The following LHFPL7 variants were observed in gnomAD, a reference collection of about 807,000 sequenced individuals.
LHFPL7 encodes LHFPL tetraspan subfamily member 7.
At chr22:24,936,487 C>T in the LHFPL7 span, among the ~76,000 whole-genome samples, 2 of 152,218 alleles carry the variant, frequency 1.3e-5, no homozygotes, top group Non-Finnish European at 2.9e-5. Context: ...CCCATGCAGT[C>T]ACGTGTTCAT....
At chr22:24,944,636 C>T in the LHFPL7 span, among the ~76,000 whole-genome samples, 1 of 152,196 alleles carries the variant, frequency 6.6e-6, no homozygotes, top group Non-Finnish European at 1.5e-5. Context: ...TCACTGCAGT[C>T]TCAACCTCCT....
the LHFPL7 span, among the ~76,000 whole-genome samples, chr22:24,941,535 C>T: frequency 5.3e-5 from 8 of 149,610 alleles, no homozygotes; most frequent in African/African-American, 1.5e-4. Flanking sequence ...TGGGTGGACA[C>T]AAATATTCAG....
the LHFPL7 span, among the ~76,000 whole-genome samples, chr22:24,940,704 CCTCCTTCCCTTTCT>C: frequency 3.1e-5 from 1 of 32,584 alleles, no homozygotes; most frequent in Non-Finnish European, 5.0e-5. Flanking sequence ...TCCCTCCTTC[CCTCCTTCCCTTTCT>C]TTCCTTCCTT....
the LHFPL7 span, among the ~76,000 whole-genome samples, chr22:24,939,924 C>CCTTT: frequency 1.1e-5 from 1 of 86,980 alleles, no homozygotes; most frequent in African/African-American, 4.3e-5. Flanking sequence ...TCATTTATCG[C>CCTTT]TTTTTTTTTT....
the LHFPL7 span, among the ~76,000 whole-genome samples, chr22:24,940,007 A>G: frequency 7.1e-6 from 1 of 141,772 alleles, no homozygotes; most frequent in Non-Finnish European, 1.5e-5. Flanking sequence ...GGCTCACTGC[A>G]AGCTCCGCCT....
the LHFPL7 span, chr22:24,935,214 G>A: frequency 2.9e-5 from 39 of 1,352,672 alleles, no homozygotes; most frequent in Non-Finnish European, 3.4e-5. Context: ...TTCCAGAGAG[G>A]TAAAGTGGCT....
At chr22:24,938,274 A>G in the LHFPL7 span, 2 of 1,613,896 alleles carry the variant, frequency 1.2e-6, no homozygotes, top group African/African-American at 2.7e-5. Flanking sequence ...TCCGAGGAGC[A>G]TCACAGCTGA....
chr22:24,938,970 A>G, the LHFPL7 span, among the ~76,000 whole-genome samples: 1 of 152,186 alleles, frequency 6.6e-6, no homozygotes, highest in Non-Finnish European at 1.5e-5. Flanking sequence ...AGAGCATCCT[A>G]AAGAAGGGGC....
At chr22:24,938,091 T>G in the LHFPL7 span, 1 of 1,576,584 alleles carries the variant, frequency 6.3e-7, no homozygotes, top group Admixed American at 1.8e-5. Flanking sequence ...ATTCATTCAT[T>G]CATTCATTCC....
At chr22:24,943,818 A>G in the LHFPL7 span, among the ~76,000 whole-genome samples, 3 of 152,206 alleles carry the variant, frequency 2.0e-5, no homozygotes, top group Non-Finnish European at 2.9e-5. Context: ...CAGAGAAGCC[A>G]TACAAAGGCA....
At chr22:24,942,904 T>A in the LHFPL7 span, among the ~76,000 whole-genome samples, 2 of 148,404 alleles carry the variant, frequency 1.3e-5, no homozygotes, top group African/African-American at 5.0e-5. Flanking sequence ...TGTGTGTGTG[T>A]GTGTGTGTGT....
chr22:24,935,370 G>T, the LHFPL7 span: 30 of 1,613,836 alleles, frequency 1.9e-5, no homozygotes, highest in Non-Finnish European at 2.5e-5. Context: ...GATTCTCTCG[G>T]TGGCACTGGA....
At chr22:24,946,087 A>G in the LHFPL7 span, among the ~76,000 whole-genome samples, 1 of 152,312 alleles carries the variant, frequency 6.6e-6, no homozygotes, top group East Asian at 1.9e-4. Flanking sequence ...AGGCGGGAGG[A>G]TCACGTGAGG....
the LHFPL7 span, chr22:24,935,449 G>A: frequency 6.2e-7 from 1 of 1,614,094 alleles, no homozygotes; most frequent in Non-Finnish European, 8.5e-7. Flanking sequence ...AGGCTGGCCA[G>A]GACTGCATTG....
At chr22:24,939,437 G>A in the LHFPL7 span, 1 of 703,142 alleles carries the variant, frequency 1.4e-6, no homozygotes, top group South Asian at 1.5e-5. Flanking sequence ...GGATGCCAAA[G>A]GAGAAGGTCG....
chr22:24,935,528 C>T, the LHFPL7 span: 5 of 1,613,882 alleles, frequency 3.1e-6, no homozygotes, highest in African/African-American at 4.0e-5. Flanking sequence ...AGGCTTCGCA[C>T]ACTTCCTTGA....
the LHFPL7 span, among the ~76,000 whole-genome samples, chr22:24,943,033 T>C: frequency 2.0e-5 from 3 of 151,796 alleles, no homozygotes; most frequent in African/African-American, 7.3e-5. Flanking sequence ...TCGTGGCTGC[T>C]CGCCAGCAAG....
At chr22:24,935,419 G>A in the LHFPL7 span, 1 of 1,614,022 alleles carries the variant, frequency 6.2e-7, no homozygotes, top group South Asian at 1.1e-5. Flanking sequence ...GTTGTGTGGG[G>A]CCAGCTGATG....
the LHFPL7 span, among the ~76,000 whole-genome samples, chr22:24,939,924 C>CTTTTTTTTTTTTTTTT: frequency 1.5e-4 from 13 of 86,988 alleles, no homozygotes; most frequent in African/African-American, 4.8e-4. Context: ...TCATTTATCG[C>CTTTTTTTTTTTTTTTT]TTTTTTTTTT....
Sources: gnomAD v4.1 joint callset for allele counts (sites outside exome capture counted in the v4.1 genomes callset) on GRCh38, gnomAD v4.1.1 for gene constraint, MANE v1.5 for transcripts, NCBI Gene and HGNC (gene_info 2026-07-23, HGNC 2026-07-21) for gene names.